The following CLDN16 variants were observed in gnomAD, a reference collection of about 807,000 sequenced individuals.
CLDN16 encodes the protein claudin-16.
CLDN16 carries 13 observed loss-of-function variants against 24.6 expected under a neutral mutation model. The ratio of observed to expected loss-of-function variants is 0.53; its 90% CI spans 0.34 to 0.84. CLDN16 has a LOEUF of 0.84. Among genes scored for constraint, CLDN16 ranks in the 40% least tolerant of loss-of-function variants. The pLI is 0.01. For missense variants in CLDN16, 298 were observed against 292.7 expected, an observed-to-expected ratio of 1.02 and a Z score of -0.13; for synonymous variants, 116 against 106.7, an observed-to-expected ratio of 1.09 and a Z score of -0.54.
intron 3 of CLDN16, among the ~76,000 whole-genome samples, chr3:190,380,921 C>T (rs1718357806): frequency 6.6e-6 from 1 of 152,042 alleles, no homozygotes; most frequent in Non-Finnish European, 1.5e-5. Context: ...TGATGCAAGG[C>T]AGGGTTCCCG....
At chr3:190,403,517 G>T (rs1719013447) in intron 2 of CLDN16, among the ~76,000 whole-genome samples, 1 of 152,122 alleles carries the variant, frequency 6.6e-6, no homozygotes, top group African/African-American at 2.4e-5. Context: ...TGTTATGAAA[G>T]CAAAGTGGTT....
At chr3:190,386,717 G>C (rs1191247314), upstream of CLDN16, among the ~76,000 whole-genome samples, 1 of 152,102 alleles carries the variant, frequency 6.6e-6, no homozygotes, top group East Asian at 1.9e-4. Flanking sequence ...GATAGCAGGG[G>C]TGGTACTGTA....
At chr3:190,301,497 A>AT in the CLDN16 span, among the ~76,000 whole-genome samples, 1 of 145,898 alleles carries the variant, frequency 6.9e-6, no homozygotes, top group Non-Finnish European at 1.5e-5. Flanking sequence ...CTGTCTCAAA[A>AT]AAAAAGAAGA....
At chr3:190,373,787 T>G (rs569996080) in intron 2 of CLDN16, among the ~76,000 whole-genome samples, 1 of 151,736 alleles carries the variant, frequency 6.6e-6, no homozygotes, top group Non-Finnish European at 1.5e-5. Context: ...GTCAATGATG[T>G]AGGAAATATA....
In CLDN16 at chr3:190,399,477, TC is replaced by T. The variant is rs1460552746; in HGVS notation, c.115-2858del. ...CCGTGAGCCGATCGCGCCATTGCAC[TC>T]CAGCCTGGGGAAAACAGCGAGACTC... is the stretch of plus-strand genomic sequence containing the variant. On this transcript the variant is annotated intron_variant, in intron 1 of 4. Transcript: ENST00000264734. Among the ~76,000 whole-genome samples the T allele has an allele frequency of 4.6e-5, 7 of 152,054 alleles. No individual in the cohort carries two copies. The East Asian group carries it at 1.4e-3, about 30-fold the overall frequency.
At chr3:190,293,795 G>T in the CLDN16 span, among the ~76,000 whole-genome samples, 1 of 152,206 alleles carries the variant, frequency 6.6e-6, no homozygotes, top group African/African-American at 2.4e-5. Context: ...CAGTTAAACC[G>T]AGAAGATTAG....
chr3:190,309,922 T>G, the CLDN16 span, among the ~76,000 whole-genome samples: 1 of 152,194 alleles, frequency 6.6e-6, no homozygotes. Flanking sequence ...AAAGCCCAGT[T>G]ATACAGTTGA....
At chr3:190,398,124 A>C (rs1384788231) in intron 1 of CLDN16, among the ~76,000 whole-genome samples, 1 of 152,220 alleles carries the variant, frequency 6.6e-6, no homozygotes, top group East Asian at 1.9e-4. Context: ...CTGTTCATTA[A>C]GACACTACAG....
chr3:190,319,182 C>T (rs41472149), upstream of CLDN16, among the ~76,000 whole-genome samples: 17,374 of 152,072 alleles, frequency 0.11, 1,171 homozygotes, highest in East Asian at 0.22. Context: ...AAAATTGGCG[C>T]GAGCTTCCTA....
chr3:190,344,501 AT>A, intron 1 of CLDN16, among the ~76,000 whole-genome samples: 1 of 151,926 alleles, frequency 6.6e-6, no homozygotes, highest in South Asian at 2.1e-4. Flanking sequence ...ATAATTCATA[AT>A]TATACATAGT....
At chr3:190,371,894 G>C (rs1718149176) in intron 2 of CLDN16, among the ~76,000 whole-genome samples, 1 of 151,924 alleles carries the variant, frequency 6.6e-6, no homozygotes, top group Admixed American at 6.6e-5. Flanking sequence ...CCACATATCT[G>C]CTGTCCCAGG....
chr3:190,295,321 C>T, the CLDN16 span, among the ~76,000 whole-genome samples: 23 of 152,042 alleles, frequency 1.5e-4, no homozygotes, highest in Non-Finnish European at 2.4e-4. Flanking sequence ...GAATGGTACC[C>T]GTCTTAGAGG....
chr3:190,335,023 C>CTTT (rs57744577), intron 1 of CLDN16, among the ~76,000 whole-genome samples: 4 of 134,344 alleles, frequency 3.0e-5, no homozygotes, highest in African/African-American at 1.1e-4. Context: ...TTTCTTTTTT[C>CTTT]TTTTTTTTTT....
At chr3:190,374,193 C>G (rs1718199720) in intron 2 of CLDN16, among the ~76,000 whole-genome samples, 1 of 151,426 alleles carries the variant, frequency 6.6e-6, no homozygotes, top group East Asian at 1.9e-4. Flanking sequence ...CCAGAATAGT[C>G]TACCATATGA....
At chr3:190,408,833 C>G (rs971859046) in intron 4 of CLDN16, among the ~76,000 whole-genome samples, 4 of 120,832 alleles carry the variant, frequency 3.3e-5, no homozygotes, top group African/African-American at 1.1e-4. Flanking sequence ...TGTATATATA[C>G]TATATACATA....
the CLDN16 span, among the ~76,000 whole-genome samples, chr3:190,294,424 T>G: frequency 6.6e-6 from 1 of 152,170 alleles, no homozygotes; most frequent in Non-Finnish European, 1.5e-5. Context: ...ATAGTCAAAG[T>G]AAATAAGCAT....
the CLDN16 span, among the ~76,000 whole-genome samples, chr3:190,309,758 C>A: frequency 0.032 from 4,859 of 152,066 alleles, 139 homozygotes; most frequent in Admixed American, 0.093. Flanking sequence ...TATTCATTAA[C>A]CCCTATAGTA....
At chr3:190,329,742 T>C (rs1717142773) in intron 1 of CLDN16, among the ~76,000 whole-genome samples, 2 of 152,230 alleles carry the variant, frequency 1.3e-5, no homozygotes, top group South Asian at 4.2e-4. Context: ...AGACATTCAA[T>C]GGTTTAAAGG....
intron 1 of CLDN16, among the ~76,000 whole-genome samples, chr3:190,398,201 T>C (rs73192461): frequency 0.027 from 4,113 of 152,338 alleles, 76 homozygotes; most frequent in Middle Eastern, 0.068. Flanking sequence ...CTGTCTCTAA[T>C]ATACTAATTT....
Sources: gnomAD v4.1 joint callset for allele counts (sites outside exome capture counted in the v4.1 genomes callset) on GRCh38, gnomAD v4.1.1 for gene constraint, MANE v1.5 for transcripts, NCBI Gene and HGNC (gene_info 2026-07-23, HGNC 2026-07-21) for gene names.